Variants in NR2C2 observed in about 807,000 individuals in gnomAD.
NR2C2 encodes the protein nuclear receptor subfamily 2 group C member 2.
Under a neutral mutation model 62.9 loss-of-function variants are expected in NR2C2, and 6 were observed. That is an observed-to-expected ratio of 0.10 (90% CI 0.05 to 0.19). The LOEUF is 0.19. Ranked by LOEUF, NR2C2 falls within the 10% of genes least tolerant of loss-of-function variation. The pLI is 1.00. For synonymous variants in NR2C2, 272 were observed against 273.8 expected (o/e 0.99, Z 0.07); for missense variants, 479 against 762.7 (o/e 0.63, Z 4.38).
intron 1 of NR2C2, among the ~76,000 whole-genome samples, chr3:14,999,643 TACA>T (rs947262518): frequency 8.6e-5 from 13 of 152,000 alleles, no homozygotes; most frequent in Admixed American, 5.3e-4. Context: ...TTTTAACTCT[TACA>T]TTTAGATCTT....
At chr3:15,018,548 G>A (rs1389965372) in intron 4 of NR2C2, among the ~76,000 whole-genome samples, 1 of 152,144 alleles carries the variant, frequency 6.6e-6, no homozygotes, top group Admixed American at 6.5e-5. Flanking sequence ...ATCACCACAT[G>A]AGGTATCACC....
chr3:14,948,871 G>A (rs1415896533), intron 1 of NR2C2: 1 of 152,302 alleles, frequency 6.6e-6, no homozygotes, highest in East Asian at 1.9e-4. Flanking sequence ...CTGTAAATGG[G>A]GGGCATGCGC....
At chr3:15,018,041 C>T (rs186235247) in intron 4 of NR2C2, among the ~76,000 whole-genome samples, 1 of 152,164 alleles carries the variant, frequency 6.6e-6, no homozygotes, top group Non-Finnish European at 1.5e-5. Flanking sequence ...CTCTGTCCCT[C>T]AGGTTGGAGT....
intron 1 of NR2C2, among the ~76,000 whole-genome samples, chr3:14,986,054 A>C (rs1391683167): frequency 6.6e-6 from 1 of 152,166 alleles, no homozygotes; most frequent in Non-Finnish European, 1.5e-5. Context: ...ACATACTGTG[A>C]GAACCTTCCT....
At chr3:14,966,189 A>G (rs996023571) in intron 1 of NR2C2, among the ~76,000 whole-genome samples, 2 of 152,226 alleles carry the variant, frequency 1.3e-5, no homozygotes, top group East Asian at 1.9e-4. Flanking sequence ...TGTTTACTCA[A>G]TCAGCAGATA....
chr3:15,018,814 C>T (rs1205138163), intron 4 of NR2C2, among the ~76,000 whole-genome samples: 6 of 151,814 alleles, frequency 4.0e-5, no homozygotes, highest in East Asian at 1.9e-4. Context: ...GTCAGGAGTT[C>T]GAGACTAGCC....
Position 15,033,638 on chromosome 3 carries a change from GC to G in NR2C2, c.1233-1031del, listed in dbSNP as rs1191999664. On this transcript the variant is annotated intron_variant, in intron 10 of 13. Transcript: ENST00000425241. Reference sequence around the variant, plus strand: ...TATCTGGTAGGTGGTGTAACCTCAGGCTTTTTTTTTTTTTTTTTTTTTTTTT... The same window carrying G: ...TATCTGGTAGGTGGTGTAACCTCAGGTTTTTTTTTTTTTTTTTTTTTTTTT... Among the ~76,000 whole-genome samples the G allele has an allele frequency of 2.3e-3, 286 of 122,090 alleles. 1 individual carries two copies. The highest frequency in any genetic ancestry group is 7.6e-3 in the African/African-American group (267 of 35,264). 80.1% of individuals were successfully genotyped at this position (122,090 alleles called of 152,430 possible). A position where few individuals can be genotyped will look rare whatever the true frequency, so the allele number is the denominator to read the frequency against.
chr3:15,027,368 T>A (rs935773145), intron 7 of NR2C2, among the ~76,000 whole-genome samples: 2 of 152,268 alleles, frequency 1.3e-5, no homozygotes, highest in Non-Finnish European at 2.9e-5. Flanking sequence ...ACATTTGTGT[T>A]GTACCACTTT....
chr3:14,974,348 C>T (rs1201292093), intron 1 of NR2C2, among the ~76,000 whole-genome samples: 1 of 152,062 alleles, frequency 6.6e-6, no homozygotes, highest in African/African-American at 2.4e-5. Flanking sequence ...TGTTCTTTTT[C>T]AAGGTTGTTC....
chr3:15,031,072 CCT>C (rs1220771881), intron 9 of NR2C2, among the ~76,000 whole-genome samples: 1 of 152,124 alleles, frequency 6.6e-6, no homozygotes, highest in Non-Finnish European at 1.5e-5. Context: ...TCTGCCTCTG[CCT>C]CTCTGTGACT....
chr3:15,001,456 T>C (rs2124916031), intron 1 of NR2C2, among the ~76,000 whole-genome samples: 1 of 150,738 alleles, frequency 6.6e-6, no homozygotes, highest in South Asian at 2.1e-4. Flanking sequence ...TGTCTCAGCC[T>C]CCTGAGTAGC....
intron 11 of NR2C2, 32 bp from the exon 12 acceptor site, chr3:15,037,968 C>T (rs947700408): frequency 2.5e-6 from 4 of 1,600,628 alleles, no homozygotes; most frequent in Middle Eastern, 3.3e-4. Context: ...TTCTTACCAG[C>T]CTTTCTCAGG....
At chr3:14,985,728 C>A (rs1260907747) in intron 1 of NR2C2, among the ~76,000 whole-genome samples, 4 of 152,240 alleles carry the variant, frequency 2.6e-5, no homozygotes, top group Admixed American at 2.0e-4. Context: ...TTTAGCTACT[C>A]CTCTAAGATG....
chr3:15,031,811 C>G (rs1288698759), intron 9 of NR2C2, among the ~76,000 whole-genome samples: 1 of 152,000 alleles, frequency 6.6e-6, no homozygotes, highest in Non-Finnish European at 1.5e-5. Context: ...TCACCACAAC[C>G]TCCACCTCCT....
In NR2C2 at chr3:15,049,078, A is replaced by G. The variant is rs1255852170; in HGVS notation, c.*6070A>G. The G allele has an allele frequency of 6.6e-6, 1 of 152,648 alleles. No individual in the cohort carries two copies. The highest frequency in any genetic ancestry group is 6.5e-5 in the Admixed American group (1 of 15,278). The allele number at this position is 152,648 out of a possible 1,614,324, so 9.5% of individuals were successfully genotyped here. On this transcript the variant is annotated 3_prime_UTR_variant, in exon 14 of 14. Transcript: ENST00000425241. Reference sequence around the variant, plus strand: ...TTTAAAAAATAGCATGTTCTTTTTAAACTGAATTTTATATCTAATCAATGT... The same window carrying G: ...TTTAAAAAATAGCATGTTCTTTTTAGACTGAATTTTATATCTAATCAATGT...
rs552719688 is a variant in NR2C2 at position 15,003,898 on chromosome 3, G to A, written c.-17G>A. ...CAGGTAACACGTACACAGACCTCTC[G>A]GCCGGAATCTCCAGGGATGACCAGC... is the stretch of plus-strand genomic sequence containing the variant. On this transcript the variant is annotated 5_prime_UTR_variant, in exon 2 of 14. Coordinates refer to ENST00000425241, the MANE Select transcript of NR2C2 (RefSeq NM_001291694.2). 33 of 1,613,602 alleles carry A rather than the reference G, an allele frequency of 2.0e-5. No homozygotes were observed. The South Asian group carries it at 2.6e-4, about 13-fold the overall frequency.
At chr3:15,022,782 T>C (rs151286781) in intron 5 of NR2C2, among the ~76,000 whole-genome samples, 31 of 152,238 alleles carry the variant, frequency 2.0e-4, no homozygotes, top group African/African-American at 7.2e-4. Context: ...TTCCAGCACT[T>C]TGGCAGGCTG....
intron 2 of NR2C2, among the ~76,000 whole-genome samples, chr3:15,005,219 C>G (rs1055395952): frequency 1.2e-4 from 18 of 151,948 alleles, no homozygotes; most frequent in African/African-American, 4.4e-4. Context: ...CAGGGTCTTG[C>G]TCTGTCACCC....
intron 2 of NR2C2, chr3:15,004,517 A>C: frequency 2.5e-6 from 4 of 1,576,676 alleles, no homozygotes; most frequent in Non-Finnish European, 3.5e-6. Context: ...TATTGTTATT[A>C]ACTAATCGAT....
Sources: gnomAD v4.1 joint callset for allele counts (sites outside exome capture counted in the v4.1 genomes callset) on GRCh38, gnomAD v4.1.1 for gene constraint, MANE v1.5 for transcripts, NCBI Gene and HGNC (gene_info 2026-07-23, HGNC 2026-07-21) for gene names.